Variants in ISY1 observed in about 807,000 individuals in gnomAD.
The protein encoded by ISY1 is ISY1 spliceosome associated protein.
A neutral mutation model predicts 54.4 loss-of-function variants in ISY1; 12 were observed. The ratio of observed to expected loss-of-function variants is 0.22; its 90% CI spans 0.14 to 0.36. The LOEUF is 0.36. Among genes scored for constraint, ISY1 ranks in the 10% least tolerant of loss-of-function variants. The pLI, the probability that ISY1 is intolerant of heterozygous loss-of-function variation, is 1.00. For synonymous variants in ISY1, 96 were observed against 117.9 expected, an observed-to-expected ratio of 0.81 and a Z score of 1.20; for missense variants, 282 against 342.2, an observed-to-expected ratio of 0.82 and a Z score of 1.39.
At chr3:129,149,636 T>TATACAC (rs759382962) in intron 5 of ISY1, among the ~76,000 whole-genome samples, 24 of 54,684 alleles carry the variant, frequency 4.4e-4, no homozygotes, top group Admixed American at 1.8e-3. Context: ...TATATATATA[T>TATACAC]ACACAAAAAA....
At chr3:129,130,518 G>C (rs750491056) in intron 10 of ISY1, 32 bp downstream of exon 10, 2 of 1,610,516 alleles carry the variant, frequency 1.2e-6, no homozygotes, top group Non-Finnish European at 8.5e-7. Context: ...AGAAGCCCCC[G>C]GCGCCCAGGC....
At chr3:129,151,129 A>AAT (rs1553783267) in intron 5 of ISY1, among the ~76,000 whole-genome samples, 11 of 147,536 alleles carry the variant, frequency 7.5e-5, no homozygotes, top group African/African-American at 2.5e-4. Flanking sequence ...CTCAAAAAAA[A>AAT]ATATATATAT....
At chr3:129,156,981 GAACTGATTCAGGCCTTAAGCCT>G in intron 3 of ISY1, 61 bp from the exon 4 acceptor site, 1 of 1,590,210 alleles carries the variant, frequency 6.3e-7, no homozygotes, top group South Asian at 1.1e-5. Context: ...ACAACATTCA[GAACTGATTCAGGCCTTAAGCCT>G]AAATCATCTA....
chr3:129,146,199 T>C (rs1005495486), intron 5 of ISY1, among the ~76,000 whole-genome samples: 1 of 151,996 alleles, frequency 6.6e-6, no homozygotes, highest in African/African-American at 2.4e-5. Context: ...TTAAGAGAGA[T>C]GGGGAAACAG....
rs1389926403 is a variant in ISY1 at position 129,134,128 on chromosome 3, T to C, written c.609A>G (p.Glu203=). 6.2e-7 allele frequency: 1 copy of C among 1,614,056 alleles called. No homozygotes were observed. The highest frequency in any genetic ancestry group is 8.5e-7 in the Non-Finnish European group (1 of 1,180,044). The change falls in exon 9 of 11, where the codon GAA becomes GAG. Residue 203 remains glutamate, a synonymous_variant. Transcript: ENST00000393295. ...TCTCTTCCTCCTCTTCCTCCTCCTC[T>C]TCCTTTTCTCCTCTTGCCAGCCGAG... The part of the protein sequence containing the change: ...REARLARGEK[E]EEEEEEEEIN...
chr3:129,134,529 C>T (rs1288294515), intron 8 of ISY1, among the ~76,000 whole-genome samples: 1 of 152,190 alleles, frequency 6.6e-6, no homozygotes, highest in Non-Finnish European at 1.5e-5. Context: ...CCACTTGCTT[C>T]CAAAGTCCTG....
chr3:129,149,339 G>A (rs1354507560), intron 5 of ISY1, among the ~76,000 whole-genome samples: 2 of 142,536 alleles, frequency 1.4e-5, no homozygotes, highest in African/African-American at 5.3e-5. Flanking sequence ...TGAGGCAGGA[G>A]AATCACTTGT....
At chr3:129,143,960 A>G (rs1261675347) in intron 6 of ISY1, 4 of 168,620 alleles carry the variant, frequency 2.4e-5, no homozygotes, top group Non-Finnish European at 5.1e-5. Context: ...AGAAAATAAA[A>G]ATAAAATTAT....
intron 5 of ISY1, among the ~76,000 whole-genome samples, chr3:129,156,095 T>A (rs1439318815): frequency 6.6e-6 from 1 of 152,004 alleles, no homozygotes; most frequent in Non-Finnish European, 1.5e-5. Context: ...TTCCACGTGC[T>A]CTTAAAAAAG....
intron 5 of ISY1, among the ~76,000 whole-genome samples, chr3:129,149,584 TAAAAAAA>T (rs149839273): frequency 1.8e-4 from 3 of 16,680 alleles, no homozygotes; most frequent in South Asian, 4.9e-3. Flanking sequence ...CCGTCTCTAC[TAAAAAAA>T]AAAAAAAAAA....
At chr3:129,137,302 G>A (rs1480114948) in intron 7 of ISY1, 1 of 709,908 alleles carries the variant, frequency 1.4e-6, no homozygotes, top group Admixed American at 6.3e-5. Flanking sequence ...GTAGAGGTAA[G>A]AGGACTTTAA....
At chr3:129,142,419 T>A (rs1414668904) in intron 6 of ISY1, among the ~76,000 whole-genome samples, 1 of 152,102 alleles carries the variant, frequency 6.6e-6, no homozygotes, top group African/African-American at 2.4e-5. Context: ...GAAATACACA[T>A]ATATTAAAGG....
chr3:129,131,269 C>T (rs527827954), intron 9 of ISY1, among the ~76,000 whole-genome samples: 5 of 152,180 alleles, frequency 3.3e-5, no homozygotes, highest in Non-Finnish European at 7.3e-5. Flanking sequence ...ACATACCTAC[C>T]CTGATCTGGT....
chr3:129,144,543 T>C (rs1031957732), intron 6 of ISY1, among the ~76,000 whole-genome samples: 6 of 152,226 alleles, frequency 3.9e-5, no homozygotes, highest in Non-Finnish European at 7.3e-5. Flanking sequence ...CACAAAAGTG[T>C]GAACGAATTA....
rs535483196 is a variant in ISY1 at position 129,161,058 on chromosome 3, G to C, written c.-83C>G. The stretch of plus-strand genomic sequence containing the variant: ...GGCCCAGAAGACGCCGACGCTCACA[G>C]GAACTGAAGATTCCAACTACCCACA... On this transcript the variant is annotated 5_prime_UTR_variant, in exon 1 of 11. Coordinates refer to ENST00000393295, the MANE Select transcript of ISY1 (RefSeq NM_020701.4). 36 of 1,532,734 alleles carry C rather than the reference G, an allele frequency of 2.3e-5. No homozygotes were observed. The South Asian group carries it at 4.2e-4, about 18-fold the overall frequency. The allele number at this position is 1,532,734 out of a possible 1,614,324, so 94.9% of individuals were successfully genotyped here. A position where few individuals can be genotyped will look rare whatever the true frequency, so the allele number is the denominator to read the frequency against.
chr3:129,132,560 C>T (rs1392536309), intron 9 of ISY1, among the ~76,000 whole-genome samples: 1 of 152,182 alleles, frequency 6.6e-6, no homozygotes, highest in Non-Finnish European at 1.5e-5. Flanking sequence ...TTCGCTGGAT[C>T]ATCCTAATCT....
intron 9 of ISY1, 128 bp from the exon 10 acceptor site, chr3:129,130,764 AAAGAC>A: frequency 2.0e-6 from 2 of 988,308 alleles, no homozygotes; most frequent in Non-Finnish European, 2.9e-6. Flanking sequence ...ATACTTATAG[AAAGAC>A]ACTTGACCCA....
chr3:129,154,466 A>AC (rs1360404770), intron 5 of ISY1, among the ~76,000 whole-genome samples: 1 of 145,492 alleles, frequency 6.9e-6, no homozygotes, highest in African/African-American at 2.5e-5. Context: ...AAAAAAAAGG[A>AC]CCACTTCTCT....
intron 7 of ISY1, among the ~76,000 whole-genome samples, chr3:129,139,350 A>C: frequency 6.6e-6 from 1 of 152,230 alleles, no homozygotes; most frequent in East Asian, 1.9e-4. Flanking sequence ...TGGAATAATG[A>C]ATTTTAAAAT....
Sources: allele counts gnomAD v4.1 joint callset (sites outside exome capture counted in the v4.1 genomes callset), GRCh38; gene constraint gnomAD v4.1.1; transcripts MANE v1.5; gene names NCBI Gene and HGNC (gene_info 2026-07-23, HGNC 2026-07-21).